Variants in MAD2L2 observed in about 807,000 individuals in gnomAD.
The protein encoded by MAD2L2 is mitotic spindle assembly checkpoint protein MAD2B.
In MAD2L2, 17 loss-of-function variants were observed where a neutral mutation model predicts 30.5. The observed-to-expected ratio is 0.56, with a 90% confidence interval of 0.38 to 0.84. The LOEUF (loss-of-function observed/expected upper bound fraction) is 0.84. Ranked by LOEUF, MAD2L2 falls within the 40% of genes least tolerant of loss-of-function variation. The pLI is 0.00. For synonymous variants in MAD2L2, 101 were observed against 113.9 expected, an observed-to-expected ratio of 0.89 and a Z score of 0.72; for missense variants, 213 against 277.4, an observed-to-expected ratio of 0.77 and a Z score of 1.65.
At position 11,680,540 on chromosome 1, in the gene MAD2L2, C is replaced by A. The variant is rs374610245; in HGVS notation, c.40+22G>T. 5 of 1,609,106 alleles carry A rather than the reference C, an allele frequency of 3.1e-6. No individual in the cohort carries two copies. In the African/African-American group the frequency reaches 5.4e-5, roughly 17 times the overall value. On this transcript the variant is annotated intron_variant, in intron 2 of 8. Coordinates refer to ENST00000376692, the MANE Select transcript of MAD2L2 (RefSeq NM_006341.4). The stretch of plus-strand genomic sequence containing the variant: ...CGGCCCAGACGCCCCCGCCCCCGGG[C>A]CCGCAGGTCCAGCCTCCCTACCTTG...
chr1:11,683,483 A>G (rs2100716079), upstream of MAD2L2, among the ~76,000 whole-genome samples: 1 of 151,852 alleles, frequency 6.6e-6, no homozygotes, highest in African/African-American at 2.4e-5. Context: ...ATGCAAAGGC[A>G]TAGGAATGAT....
At chr1:11,691,562 G>A (rs1389624750) in exon 1 of MAD2L2, 1 of 151,682 alleles carries the variant, frequency 6.6e-6, no homozygotes, top group Admixed American at 6.6e-5. Flanking sequence ...CAGCTGGCGA[G>A]GGCGCGCTGG....
chr1:11,681,268 G>A (rs1365479636), upstream of MAD2L2: 1 of 152,208 alleles, frequency 6.6e-6, no homozygotes, highest in Non-Finnish European at 1.5e-5. Flanking sequence ...GGTCTCCGAG[G>A]GGCGGGGGCC....
exon 1 of MAD2L2, chr1:11,691,567 C>A (rs183507097): frequency 0.017 from 2,596 of 151,672 alleles, 49 homozygotes; most frequent in East Asian, 0.082. Flanking sequence ...GGCGAGGGCG[C>A]GCTGGCCGGG....
chr1:11,675,296 G>A, intron 7 of MAD2L2, 122 bp from the exon 8 acceptor site: 1 of 669,730 alleles, frequency 1.5e-6, no homozygotes, highest in Non-Finnish European at 2.5e-6. Context: ...CTAGGAAGCT[G>A]TTGGTGATGC....
In MAD2L2 at chr1:11,690,396, G is replaced by A. The variant is rs1641038381; in HGVS notation, c.-692+1017C>T. On this transcript the variant is annotated intron_variant, in intron 1 of 10. Coordinates refer to the MAD2L2 transcript ENST00000235310. This position sits in a 1 kb window ranked among gnomAD's most constrained non-coding sequence, Gnocchi z 4.2. ...AACAATGGCAGCTAATTTTACAGGA[G>A]CATTTCCTATGGGCCAGACCTTAGA... Among the ~76,000 whole-genome samples, 1 of 152,166 alleles carries A rather than the reference G, an allele frequency of 6.6e-6. No homozygotes were observed. The highest frequency in any genetic ancestry group is 2.4e-5 in the African/African-American group (1 of 41,432).
In MAD2L2 at chr1:11,688,334, C is replaced by T. The variant is rs559417491; in HGVS notation, c.-692+3079G>A. Among the ~76,000 whole-genome samples, 36 of 152,186 alleles carry T rather than the reference C, an allele frequency of 2.4e-4. No individual in the cohort carries two copies. The highest frequency in any genetic ancestry group is 8.7e-4 in the African/African-American group (36 of 41,524). ...CAGAACTTTGGGAGGCCGAGGCTGG[C>T]GAATCACCTGAGGTCAGGATATCGA... On this transcript the variant is annotated intron_variant, in intron 1 of 10. Coordinates refer to the MAD2L2 transcript ENST00000235310. The surrounding 1 kb of genome is among the most constrained non-coding windows in gnomAD (Gnocchi z 4.6).
At position 11,687,155 on chromosome 1, in the gene MAD2L2, TC is replaced by T. The variant is rs1294171475; in HGVS notation, c.-692+4257del. 6.6e-6 allele frequency among the ~76,000 whole-genome samples: 1 copy of T among 152,152 alleles called. No homozygotes were observed. Among genetic ancestry groups the T allele is most frequent in the Non-Finnish European group, 1.5e-5 (1 of 68,024 alleles). ...ATCACAGCTCACTGAAGCCTCAACC[TC>T]CTGGGCTCAAGCGATCCTCCCACCT... On this transcript the variant is annotated intron_variant, in intron 1 of 10. Transcript: ENST00000235310. This position sits in a 1 kb window ranked among gnomAD's most constrained non-coding sequence, Gnocchi z 4.1.
At chr1:11,689,768 A>C (rs530915857) in intron 1 of MAD2L2, among the ~76,000 whole-genome samples, 1 of 152,210 alleles carries the variant, frequency 6.6e-6, no homozygotes, top group South Asian at 2.1e-4. Flanking sequence ...TTTTTACTCT[A>C]TGGACTCGCC....
chr1:11,680,039 A>G (rs1314211228), intron 3 of MAD2L2, among the ~76,000 whole-genome samples: 1 of 120,714 alleles, frequency 8.3e-6, no homozygotes, highest in Non-Finnish European at 1.6e-5. Flanking sequence ...CTTGTCACCC[A>G]GGCTGGAATG....
upstream of MAD2L2, among the ~76,000 whole-genome samples, chr1:11,684,808 T>C (rs1640931268): frequency 6.6e-6 from 1 of 151,864 alleles, no homozygotes; most frequent in Admixed American, 6.6e-5. Flanking sequence ...CTGGTGACAA[T>C]CTCCTGATAT....
intron 8 of MAD2L2, 75 bp downstream of exon 8, chr1:11,675,007 G>C (rs1036439012): frequency 4.4e-5 from 60 of 1,367,868 alleles, no homozygotes; most frequent in Non-Finnish European, 3.5e-5. Context: ...AAGCCCTCTA[G>C]TAAGGCCTCA....
intron 3 of MAD2L2, among the ~76,000 whole-genome samples, chr1:11,679,991 T>G (rs1471298797): frequency 7.1e-5 from 6 of 84,138 alleles, no homozygotes; most frequent in African/African-American, 2.4e-4. Context: ...AGAGGTTTTT[T>G]TTTTTTTTTT....
In MAD2L2 at chr1:11,688,423, T is replaced by C. The variant is rs191465212; in HGVS notation, c.-692+2990A>G. Among the ~76,000 whole-genome samples, 991 of 152,188 alleles carry C rather than the reference T, an allele frequency of 6.5e-3. 14 individuals carry two copies. The highest frequency in any genetic ancestry group is 0.023 in the African/African-American group (951 of 41,512). On this transcript the variant is annotated intron_variant, in intron 1 of 10. Coordinates refer to the MAD2L2 transcript ENST00000235310. The surrounding 1 kb of genome is among the most constrained non-coding windows in gnomAD (Gnocchi z 4.6). ...AAAAATACAAAAAATTAGCCAGGCA[T>C]GGTGGCAGGTGCCTGTAGTCACAGC...
Position 11,687,910 on chromosome 1 carries a change from AT to A in MAD2L2, c.-692+3502del, listed in dbSNP as rs1443059818. Among the ~76,000 whole-genome samples, 2 of 152,126 alleles carry A rather than the reference AT, an allele frequency of 1.3e-5. No homozygotes were observed. The highest frequency in any genetic ancestry group is 3.8e-4 in the East Asian group (2 of 5,200). ...CCTGCTTTGGCCCCTCAAGTACCTCATTTTACAGACAAGGAAACTGAGGCCC... is the reference window on the plus strand; with the variant it reads ...CCTGCTTTGGCCCCTCAAGTACCTCATTTACAGACAAGGAAACTGAGGCCC... On this transcript the variant is annotated intron_variant, in intron 1 of 10. Coordinates refer to the MAD2L2 transcript ENST00000235310. This position sits in a 1 kb window ranked among gnomAD's most constrained non-coding sequence, Gnocchi z 4.1.
chr1:11,682,169 C>T (rs1292979259), upstream of MAD2L2, among the ~76,000 whole-genome samples: 5 of 152,188 alleles, frequency 3.3e-5, no homozygotes, highest in African/African-American at 7.2e-5. Flanking sequence ...TTCTCTAATT[C>T]GCCAAAATCA....
rs28924114 is a variant in MAD2L2, at chr1:11,675,097, C to T, written c.579G>A (p.Thr193=). 6.3e-4 allele frequency: 1,002 copies of T among 1,595,714 alleles called. 2 individuals are homozygous for T. The African/African-American group carries it at 8.3e-3, about 13-fold the overall frequency. ...CGAAGCTCACCTTTAAAATGTCCGA[C>T]GTCATGGTTTTTAGTGGTATCAGCC... is the stretch of plus-strand genomic sequence containing the variant. ...DPRLIPLKTM[T]SDILKMQLYV... Residue 193 remains threonine (T), a synonymous_variant, in exon 8 of 9, where the codon ACG becomes ACA. Transcript: ENST00000376692.
exon 1 of MAD2L2, chr1:11,691,467 GCCTTTGTCTGCCT>G (rs1641064459): frequency 2.0e-5 from 3 of 152,520 alleles, no homozygotes. Context: ...GGCTGCGCCC[GCCTTTGTCTGCCT>G]CCTTTGTCTG....
At chr1:11,675,896 A>G (rs753066223) in intron 6 of MAD2L2, 150 bp downstream of exon 6, 1 of 883,700 alleles carries the variant, frequency 1.1e-6, no homozygotes, top group South Asian at 1.4e-5. Flanking sequence ...AGCCAGGTAG[A>G]ATCAATCAGG....
Sources: allele counts gnomAD v4.1 joint callset (sites outside exome capture counted in the v4.1 genomes callset), GRCh38; gene constraint gnomAD v4.1.1; non-coding constraint Gnocchi (gnomAD v3.1); transcripts MANE v1.5; gene names NCBI Gene and HGNC (gene_info 2026-07-23, HGNC 2026-07-21).